The following SYNE2 variants were observed in gnomAD, a reference collection of about 807,000 sequenced individuals.
The protein encoded by SYNE2 is nesprin-2.
Under a neutral mutation model 856.3 loss-of-function variants are expected in SYNE2, and 431 were observed. The observed-to-expected ratio is 0.50, with a 90% CI of 0.47 to 0.55. The LOEUF (loss-of-function observed/expected upper bound fraction) is 0.55, where lower values mean the gene tolerates loss of function less well. Ranked by LOEUF, SYNE2 falls within the 20% of genes least tolerant of loss-of-function variation. SYNE2 has a pLI of 0.00. For missense variants in SYNE2, 8,129 were observed against 8,023.2 expected (o/e 1.01, Z -0.50); for synonymous variants, 2,923 against 2,872.3 (o/e 1.02, Z -0.56).
intron 66 of SYNE2, among the ~76,000 whole-genome samples, chr14:64,114,817 C>T (rs1006618373): frequency 2.6e-5 from 4 of 152,120 alleles, no homozygotes; most frequent in Admixed American, 2.6e-4. Context: ...TGAGAGGTCT[C>T]ACTATATTGC....
At chr14:63,898,925 A>G (rs2095297802) in intron 1 of SYNE2, among the ~76,000 whole-genome samples, 1 of 152,210 alleles carries the variant, frequency 6.6e-6, no homozygotes, top group African/African-American at 2.4e-5. Context: ...CTGCTGGTGG[A>G]TTCACATTGT....
chr14:63,996,795 C>G, intron 23 of SYNE2, 152 bp from the exon 24 acceptor site: 1 of 754,914 alleles, frequency 1.3e-6, no homozygotes, highest in Admixed American at 2.2e-5. Context: ...ACTCTCTCAT[C>G]TTTTTTTCTC....
intron 48 of SYNE2, among the ~76,000 whole-genome samples, chr14:64,054,482 A>G (rs1270886454): frequency 6.6e-6 from 1 of 152,228 alleles, no homozygotes; most frequent in Non-Finnish European, 1.5e-5. Flanking sequence ...GATTTTTCTC[A>G]GAGTCCTGAG....
intron 32 of SYNE2, among the ~76,000 whole-genome samples, chr14:64,011,202 T>C (rs1396024159): frequency 6.6e-6 from 1 of 152,198 alleles, no homozygotes; most frequent in Non-Finnish European, 1.5e-5. Context: ...TTCTTAGAGC[T>C]GGCCAGTCGG....
Position 64,122,027 on chromosome 14 carries a change from C to T in SYNE2, c.13174C>T (p.Pro4392Ser). ...TCAATTACAGGTTCTGGAGTTAAAA[C>T]CAATGGAACAGAAAGATTTCATCAA... ...FQQQQVLELK[P>S]MEQKDFIKFI... Residue 4392 changes from proline (P) to serine (S), a missense_variant, in exon 69 of 116, where the codon CCA becomes TCA. Transcript: ENST00000555002. 6.2e-7 allele frequency: 1 copy of T among 1,613,586 alleles called. No individual in the cohort carries two copies. The highest frequency in any genetic ancestry group is 8.5e-7 in the Non-Finnish European group (1 of 1,179,972).
At chr14:64,169,934 C>CTAT (rs2098402554) in intron 93 of SYNE2, among the ~76,000 whole-genome samples, 1 of 152,138 alleles carries the variant, frequency 6.6e-6, no homozygotes, top group Non-Finnish European at 1.5e-5. Context: ...TTTTCCTTTC[C>CTAT]ACGTTTGGCC....
intron 78 of SYNE2, among the ~76,000 whole-genome samples, chr14:64,136,690 A>G (rs766340236): frequency 2.6e-5 from 4 of 151,974 alleles, no homozygotes; most frequent in Non-Finnish European, 5.9e-5. Context: ...GTTTTAATTT[A>G]TTTTTCTAAA....
chr14:63,823,851 G>T (rs937217798), intron 1 of SYNE2, among the ~76,000 whole-genome samples: 14 of 151,942 alleles, frequency 9.2e-5, no homozygotes, highest in Admixed American at 1.3e-4. Context: ...TGTCCAGTCT[G>T]GTCTCAAATT....
Position 64,024,282 on chromosome 14 carries a change from A to G in SYNE2, c.5663A>G (p.Asn1888Ser). Residue 1888 changes from asparagine (N) to serine (S), a missense_variant, in exon 39 of 116, where the codon AAC (asparagine) becomes AGC (serine). By Grantham distance (46) the Asn-to-Ser change is conservative. Transcript: ENST00000555002. ...LSDFLTLEGR[N>S]SKIKQVDSVL... is the part of the protein sequence containing the mutation. ...GATTTCTTGACTCTTGAAGGAAGAA[A>G]CAGTAAAATAAAGCAGGTGGACAGC... 6.2e-7 allele frequency: 1 copy of G among 1,614,112 alleles called. No individual in the cohort carries two copies.
rs747042989 is a variant in SYNE2 at position 64,211,975 on chromosome 14, G to A, written c.18738G>A (p.Gln6246=). ...CACTTTTGCAGCATTTCACCAACCAGAGGGAAGAATTTGAGGGCACCAGGG... is the reference window on the plus strand; with the variant it reads ...CACTTTTGCAGCATTTCACCAACCAAAGGGAAGAATTTGAGGGCACCAGGG... ...VLRRLRHFTN[Q]REEFEGTRES... is the part of the protein sequence containing the mutation. Residue 6246 remains glutamine, a synonymous_variant, in exon 104 of 116, where the codon CAG becomes CAA. Transcript: ENST00000555002. 1.2e-6 allele frequency: 2 copies of A among 1,614,118 alleles called. No individual in the cohort carries two copies. Among genetic ancestry groups the A allele is most frequent in the Non-Finnish European group, 1.7e-6 (2 of 1,180,018 alleles).
rs111984771 is a variant in SYNE2 at position 63,891,394 on chromosome 14, A to C, written c.-51-17704A>C. ...TCACTTATGGGAAGGTGACTAGGAAATGTGTGATATACAGGGGTTGTTAGT... is the reference window on the plus strand; with the variant it reads ...TCACTTATGGGAAGGTGACTAGGAACTGTGTGATATACAGGGGTTGTTAGT... On this transcript the variant is annotated intron_variant, in intron 1 of 115. Coordinates refer to ENST00000555002, the MANE Select transcript of SYNE2 (RefSeq NM_182914.3). Among the ~76,000 whole-genome samples, 64 of 152,272 alleles carry C rather than the reference A, an allele frequency of 4.2e-4. 1 individual carries two copies. Among genetic ancestry groups the C allele is most frequent in the African/African-American group, 1.4e-3 (60 of 41,556 alleles).
intron 71 of SYNE2, among the ~76,000 whole-genome samples, chr14:64,126,036 T>G (rs2097941474): frequency 6.6e-6 from 1 of 152,192 alleles, no homozygotes; most frequent in South Asian, 2.1e-4. Context: ...GGGACCACAC[T>G]TTCACCTGGA....
intron 1 of SYNE2, among the ~76,000 whole-genome samples, chr14:63,889,233 T>A (rs750556512): frequency 1.5e-4 from 22 of 151,500 alleles, no homozygotes; most frequent in Non-Finnish European, 2.2e-4. Flanking sequence ...TCCTCTTAAA[T>A]ACAATGTATA....
chr14:63,826,104 GTAAC>G (rs902916250), intron 1 of SYNE2, among the ~76,000 whole-genome samples: 1 of 152,076 alleles, frequency 6.6e-6, no homozygotes, highest in African/African-American at 2.4e-5. Flanking sequence ...TTGAAAAAAA[GTAAC>G]TAAGTTGGAG....
chr14:63,895,467 T>C (rs769353154), intron 1 of SYNE2, among the ~76,000 whole-genome samples: 2 of 151,394 alleles, frequency 1.3e-5, no homozygotes. Context: ...CAATTTACAT[T>C]TGTGGCCCAG....
chr14:64,090,731 T>G, intron 59 of SYNE2, 135 bp from the exon 60 acceptor site: 1 of 830,500 alleles, frequency 1.2e-6, no homozygotes, highest in Non-Finnish European at 1.8e-6. Context: ...TAATAGTTCT[T>G]TTCAATCTGA....
In SYNE2 at chr14:64,036,434, CA is replaced by C. The variant is rs368964915; in HGVS notation, c.7221+5078del. Among the ~76,000 whole-genome samples the C allele has an allele frequency of 4.4e-4, 67 of 152,192 alleles. No individual in the cohort carries two copies. In the East Asian group the frequency reaches 0.012, roughly 27 times the overall value. ...CTGAGTCGCTGGGATCACAGGTGTGCACCACCACACCGGCTAATTTTTGTAT... is the reference window on the plus strand; with the variant it reads ...CTGAGTCGCTGGGATCACAGGTGTGCCCACCACACCGGCTAATTTTTGTAT... On this transcript the variant is annotated intron_variant, in intron 45 of 115. Coordinates refer to ENST00000555002, the MANE Select transcript of SYNE2 (RefSeq NM_182914.3).
At chr14:64,129,643 C>T (rs575550506) in intron 74 of SYNE2, 139 bp from the exon 75 acceptor site, 2 of 1,198,686 alleles carry the variant, frequency 1.7e-6, no homozygotes, top group East Asian at 2.6e-5. Flanking sequence ...TTAAGGAGAG[C>T]AGGAGGTGAG....
intron 38 of SYNE2, chr14:64,023,640 C>T (rs117197925): frequency 0.015 from 2,368 of 155,406 alleles, 24 homozygotes; most frequent in Non-Finnish European, 0.024. Context: ...GCAGAGTTCA[C>T]GGGGGCGTAT....
Sources: allele counts gnomAD v4.1 joint callset (sites outside exome capture counted in the v4.1 genomes callset), GRCh38; gene constraint gnomAD v4.1.1; transcripts MANE v1.5; gene names NCBI Gene and HGNC (gene_info 2026-07-23, HGNC 2026-07-21).